The following SLC5A5 variants were observed in gnomAD, a reference collection of about 807,000 sequenced individuals.
SLC5A5 encodes the protein sodium/iodide cotransporter.
SLC5A5 carries 56 observed loss-of-function variants against 68.6 expected under a neutral mutation model. The observed-to-expected ratio is 0.82, with a 90% CI of 0.66 to 1.02. SLC5A5 has a LOEUF of 1.02. Ranked by LOEUF, SLC5A5 falls within the 50% of genes least tolerant of loss-of-function variation. The probability of loss-of-function intolerance (pLI) is 0.00; values close to 1 mark genes in which losing one functional copy is unlikely to be tolerated. For missense variants in SLC5A5, 807 were observed against 859.8 expected, an observed-to-expected ratio of 0.94 and a Z score of 0.77; for synonymous variants, 398 against 373.0, an observed-to-expected ratio of 1.07 and a Z score of -0.77.
intron 14 of SLC5A5, among the ~76,000 whole-genome samples, chr19:17,892,695 A>AGAGAGAGAGAGAGAGAGAGAGAGC (rs528009112): frequency 6.7e-6 from 1 of 148,720 alleles, no homozygotes; most frequent in East Asian, 2.2e-4. Context: ...AGAGAGAGAG[A>AGAGAGAGAGAGAGAGAGAGAGAGC]GAGCAAGCTA....
At chr19:17,878,306 A>G (rs532275275) in intron 7 of SLC5A5, among the ~76,000 whole-genome samples, 16 of 152,108 alleles carry the variant, frequency 1.1e-4, no homozygotes, top group African/African-American at 3.9e-4. Flanking sequence ...GGAGTTTGAG[A>G]CCAGTCTGGC....
At position 17,877,840 on chromosome 19, in the gene SLC5A5, C is replaced by A. The variant is rs121909175; in HGVS notation, c.816C>A (p.Cys272Ter). The change falls in exon 6 of 15, where the codon TGC becomes TGA. Residue 272 changes from cysteine to a stop codon, truncating the protein, a stop_gained. Coordinates refer to ENST00000222248, the MANE Select transcript of SLC5A5 (RefSeq NM_000453.3). LOFTEE classifies it high-confidence loss of function. ...NQAQVQRYVA[C>*]RTEKQAKLAL... ...CGCAGGTGCAGCGCTACGTGGCTTG[C>A]CGCACAGAGAAGCAGGCCAAGCTGT... The A allele has an allele frequency of 1.2e-6, 2 of 1,614,108 alleles. No homozygotes were observed. Among genetic ancestry groups the A allele is most frequent in the East Asian group, 2.2e-5 (1 of 44,900 alleles).
intron 8 of SLC5A5, among the ~76,000 whole-genome samples, chr19:17,881,427 C>T (rs576847072): frequency 2.0e-5 from 3 of 152,132 alleles, no homozygotes; most frequent in Non-Finnish European, 2.9e-5. Flanking sequence ...CCACCACAGC[C>T]GGCTAATTTT....
At chr19:17,889,271 C>T (rs966835656) in intron 13 of SLC5A5, among the ~76,000 whole-genome samples, 5 of 151,592 alleles carry the variant, frequency 3.3e-5, no homozygotes, top group South Asian at 2.1e-4. Flanking sequence ...TGGTGGCAGG[C>T]GCCTGTAATG....
chr19:17,872,363 G>T lies in SLC5A5; in HGVS notation c.44G>T (p.Trp15Leu). The T allele has an allele frequency of 6.3e-7, 1 of 1,592,350 alleles. No individual in the cohort carries two copies. ...ETGERPTFGAWDYGVFALMLL... is the reference protein window; with the variant it reads ...ETGERPTFGALDYGVFALMLL... The stretch of plus-strand genomic sequence containing the variant: ...GGGGAACGGCCCACCTTCGGAGCCT[G>T]GGACTACGGGGTCTTTGCCCTCATG... Residue 15 changes from tryptophan to leucine, a missense_variant, in exon 1 of 15, where the codon TGG becomes TTG. By Grantham distance (61) the Trp-to-Leu change is moderately conservative (BLOSUM62 -2). Coordinates refer to ENST00000222248, the MANE Select transcript of SLC5A5 (RefSeq NM_000453.3).
At chr19:17,883,829 T>G (rs1232241096) in intron 11 of SLC5A5, 21 bp from the exon 12 acceptor site, 1 of 1,604,472 alleles carries the variant, frequency 6.2e-7, no homozygotes, top group Non-Finnish European at 8.5e-7. Flanking sequence ...TCCCCTTCCC[T>G]GACGCCGGCT....
Position 17,894,058 on chromosome 19 carries a change from C to T in SLC5A5, c.*181C>T, listed in dbSNP as rs911985423. On this transcript the variant is annotated 3_prime_UTR_variant, in exon 15 of 15. Coordinates refer to ENST00000222248, the MANE Select transcript of SLC5A5 (RefSeq NM_000453.3). The stretch of plus-strand genomic sequence containing the variant: ...GCCTCCGGGAGGTCATTTTTTAAAT[C>T]CAGCCCCTTGCTTCAACCGTCCCCA... The T allele has an allele frequency of 9.4e-6, 6 of 637,892 alleles. No homozygotes were observed. The African/African-American group carries it at 1.1e-4, about 12-fold the overall frequency. The allele number at this position is 637,892 out of a possible 1,614,324, so 39.5% of individuals were successfully genotyped here.
At chr19:17,875,568 G>A (rs1301638427) in intron 4 of SLC5A5, among the ~76,000 whole-genome samples, 1 of 149,060 alleles carries the variant, frequency 6.7e-6, no homozygotes, top group Non-Finnish European at 1.5e-5. Context: ...TTCGAGACCA[G>A]CCTAGGCAAC....
At chr19:17,875,302 G>A (rs957700733) in intron 4 of SLC5A5, among the ~76,000 whole-genome samples, 3 of 151,294 alleles carry the variant, frequency 2.0e-5, no homozygotes, top group African/African-American at 7.3e-5. Flanking sequence ...CCCGGGAGGT[G>A]GAGGTTGCGG....
chr19:17,880,755 C>T (rs2094318825), intron 7 of SLC5A5, 110 bp from the exon 8 acceptor site: 2 of 804,702 alleles, frequency 2.5e-6, no homozygotes, highest in Non-Finnish European at 4.4e-6. Flanking sequence ...TAAATGCCGA[C>T]TCTGAGCCCT....
At chr19:17,887,597 A>AT (rs59690936) in intron 12 of SLC5A5, among the ~76,000 whole-genome samples, 26,126 of 120,908 alleles carry the variant, frequency 0.22, 3,154 homozygotes, top group Non-Finnish European at 0.25. Flanking sequence ...GAAGTTTTTA[A>AT]TTTTTTTTTT....
Position 17,894,151 on chromosome 19 carries a change from T to TTC in SLC5A5, c.*275_*276insCT. The TTC allele has an allele frequency of 5.4e-5, 18 of 331,488 alleles. No homozygotes were observed. Among genetic ancestry groups the TTC allele is most frequent in the Non-Finnish European group, 6.9e-5 (12 of 174,252 alleles). 20.5% of individuals were successfully genotyped at this position (331,488 alleles called of 1,614,324 possible). A position where few individuals can be genotyped will look rare whatever the true frequency, so the allele number is the denominator to read the frequency against. On this transcript the variant is annotated 3_prime_UTR_variant, in exon 15 of 15. Coordinates refer to ENST00000222248, the MANE Select transcript of SLC5A5 (RefSeq NM_000453.3). ...TGGGTTTTTCTCTCTCTCTTTTTTT[T>TTC]TTTTTTTTTTTTTTGAGACAGGGTC...
At chr19:17,890,816 G>A (rs2030136184) in intron 13 of SLC5A5, 70 bp from the exon 14 acceptor site, 1 of 1,031,430 alleles carries the variant, frequency 9.7e-7, no homozygotes, top group South Asian at 1.3e-5. Context: ...TCCTTCCCAG[G>A]ACCTGGTCTC....
intron 14 of SLC5A5, 132 bp downstream of exon 14, chr19:17,891,133 T>A: frequency 2.8e-6 from 2 of 719,292 alleles, no homozygotes; most frequent in Non-Finnish European, 5.1e-6. Context: ...AAAGACTCTA[T>A]TGGGAGCTGA....
Position 17,874,651 on chromosome 19 carries a change from T to G in SLC5A5, c.476-13T>G. The G allele has an allele frequency of 6.2e-7, 1 of 1,613,718 alleles. No homozygotes were observed. The highest frequency in any genetic ancestry group is 1.1e-5 in the South Asian group (1 of 91,082). ...CGCCCAGGGGCCTAACAGGGGGACC[T>G]CTTTTTGCATAGTGACCGGGCTGGA... On this transcript the variant is annotated splice_polypyrimidine_tract_variant and intron_variant, in intron 3 of 14. Transcript: ENST00000222248.
At position 17,890,892 on chromosome 19, in the gene SLC5A5, C is replaced by A; in HGVS notation, c.1658C>A (p.Thr553Asn). The part of the protein sequence containing the change: ...GALISCLTGP[T>N]KRSTLAPGLL... The stretch of plus-strand genomic sequence containing the variant: ...ATTTCTCCCCGCCTCTCAGGCCCCA[C>A]CAAGCGCAGCACCCTGGCCCCGGGA... The change falls in exon 14 of 15, where the codon ACC becomes AAC. Residue 553 changes from threonine (T) to asparagine (N), a missense_variant. Thr to Asn is a moderately conservative substitution (Grantham distance 65). Coordinates refer to ENST00000222248, the MANE Select transcript of SLC5A5 (RefSeq NM_000453.3). The A allele has an allele frequency of 6.2e-7, 1 of 1,612,886 alleles. No homozygotes were observed. Among genetic ancestry groups the A allele is most frequent in the Non-Finnish European group, 8.5e-7 (1 of 1,179,042 alleles).
intron 4 of SLC5A5, among the ~76,000 whole-genome samples, chr19:17,875,194 A>G (rs1599910825): frequency 6.6e-6 from 1 of 151,580 alleles, no homozygotes; most frequent in Non-Finnish European, 1.5e-5. Flanking sequence ...ACATGATGAA[A>G]CCCCGTCTCT....
intron 5 of SLC5A5, among the ~76,000 whole-genome samples, chr19:17,876,911 T>C (rs541590176): frequency 6.7e-6 from 1 of 150,258 alleles, no homozygotes; most frequent in East Asian, 2.0e-4. Context: ...ATGCCTGTAA[T>C]TCCAGCTACT....
At chr19:17,883,580 C>A (rs2094325949) in intron 10 of SLC5A5, 101 bp from the exon 11 acceptor site, 2 of 940,630 alleles carry the variant, frequency 2.1e-6, no homozygotes, top group African/African-American at 1.6e-5. Context: ...CCTTGAGACC[C>A]ACATTGGAGT....
Sources: gnomAD v4.1 joint callset for allele counts (sites outside exome capture counted in the v4.1 genomes callset) on GRCh38, gnomAD v4.1.1 for gene constraint, MANE v1.5 for transcripts, NCBI Gene and HGNC (gene_info 2026-07-23, HGNC 2026-07-21) for gene names.